DPP6: variants seen among roughly 807,000 people sequenced by gnomAD.
DPP6 encodes A-type potassium channel modulatory protein DPP6.
In DPP6, 69 loss-of-function variants were observed where a neutral mutation model predicts 122.6. That is an observed-to-expected ratio of 0.56 (90% CI 0.46 to 0.69). The LOEUF is 0.69. Among genes scored for constraint, DPP6 ranks in the 30% least tolerant of loss-of-function variants. The pLI is 0.00. For synonymous variants in DPP6, 418 were observed against 433.1 expected, an observed-to-expected ratio of 0.97 and a Z score of 0.43; for missense variants, 928 against 1,116.9, an observed-to-expected ratio of 0.83 and a Z score of 2.41.
chr7:153,968,907 G>C (rs1018030310), intron 1 of DPP6: 4 of 152,074 alleles, frequency 2.6e-5, no homozygotes, highest in Non-Finnish European at 5.9e-5. Context: ...TGTTTTCAAG[G>C]TTCATTCATG....
chr7:154,608,578 C>A (rs930355777), intron 5 of DPP6, among the ~76,000 whole-genome samples: 3 of 149,914 alleles, frequency 2.0e-5, no homozygotes, highest in Non-Finnish European at 4.4e-5. Context: ...CTCAAGTGAT[C>A]CGCCTGCCTT....
At chr7:154,058,461 T>G (rs1801120118) in intron 1 of DPP6, 1 of 131,690 alleles carries the variant, frequency 7.6e-6, no homozygotes, top group African/African-American at 3.0e-5. Flanking sequence ...ACCTGGCTGT[T>G]GGTACCCCCA....
At chr7:154,058,612 C>A (rs561995417) in intron 1 of DPP6, 1 of 151,000 alleles carries the variant, frequency 6.6e-6, no homozygotes, top group East Asian at 2.0e-4. Context: ...CCCTCTTCCC[C>A]CCCCAGCTTA....
intron 8 of DPP6, among the ~76,000 whole-genome samples, chr7:154,734,132 C>T (rs1228297379): frequency 6.6e-6 from 1 of 152,210 alleles, no homozygotes; most frequent in African/African-American, 2.4e-5. Context: ...ATGCTGGAAC[C>T]ATTAGACATT....
intron 5 of DPP6, chr7:154,588,399 T>C (rs1381153497): frequency 6.0e-6 from 2 of 333,686 alleles, no homozygotes; most frequent in Non-Finnish European, 1.1e-5. Flanking sequence ...GAATATCATA[T>C]ACACTTGAGG....
rs1026181504 is a variant in DPP6, at chr7:154,566,728, C to T, written c.553-114C>T. On this transcript the variant is annotated intron_variant, in intron 4 of 25. Transcript: ENST00000377770. ...TTCAGCTAACAAAGAAAGGATATAG[C>T]CATTTTAATAGCTAATTAATTTTGA... The T allele has an allele frequency of 9.5e-5, 60 of 629,988 alleles. No individual in the cohort carries two copies. In the East Asian group the frequency reaches 1.7e-3, roughly 18 times the overall value. The allele number at this position is 629,988 out of a possible 1,614,324, so 39.0% of individuals were successfully genotyped here.
At chr7:154,812,324 CTT>C (rs1294595289) in intron 16 of DPP6, among the ~76,000 whole-genome samples, 8 of 152,270 alleles carry the variant, frequency 5.3e-5, no homozygotes, top group African/African-American at 1.9e-4. Context: ...TATCCTGTAA[CTT>C]ATATTCAGTA....
chr7:154,440,242 A>G (rs891027874), intron 1 of DPP6, among the ~76,000 whole-genome samples: 15 of 152,198 alleles, frequency 9.9e-5, no homozygotes, highest in Non-Finnish European at 1.9e-4. Flanking sequence ...TCTTTCTGAA[A>G]GGGCTGCTCA....
chr7:153,818,030 C>T, the DPP6 span, among the ~76,000 whole-genome samples: 3 of 151,792 alleles, frequency 2.0e-5, no homozygotes, highest in Admixed American at 2.0e-4. Context: ...AAAGTTTGTC[C>T]ATCCAGAATA....
intron 1 of DPP6, among the ~76,000 whole-genome samples, chr7:154,206,513 A>T (rs1171772139): frequency 1.3e-5 from 2 of 152,208 alleles, no homozygotes; most frequent in Non-Finnish European, 2.9e-5. Flanking sequence ...CACGTACCTG[A>T]GAAACTCTCC....
chr7:154,706,085 G>C (rs1008064458), intron 7 of DPP6, among the ~76,000 whole-genome samples: 1 of 152,198 alleles, frequency 6.6e-6, no homozygotes, highest in African/African-American at 2.4e-5. Flanking sequence ...CTGGAACCAT[G>C]ATGACAACCA....
At chr7:154,737,489 G>A (rs926439522) in intron 8 of DPP6, among the ~76,000 whole-genome samples, 3 of 152,134 alleles carry the variant, frequency 2.0e-5, no homozygotes, top group African/African-American at 7.2e-5. Context: ...TGGTCACACT[G>A]TTATTTTTTT....
intron 7 of DPP6, among the ~76,000 whole-genome samples, chr7:154,690,628 C>A (rs12719583): frequency 0.053 from 8,121 of 152,180 alleles, 296 homozygotes; most frequent in African/African-American, 0.1. Context: ...AACCACCCCC[C>A]ACCCCGCATC....
At chr7:154,202,016 AC>A (rs1799200518) in intron 1 of DPP6, among the ~76,000 whole-genome samples, 1 of 152,176 alleles carries the variant, frequency 6.6e-6, no homozygotes, top group Non-Finnish European at 1.5e-5. Context: ...GACCTTTTTC[AC>A]CCACTACAGT....
intron 16 of DPP6, among the ~76,000 whole-genome samples, chr7:154,830,044 C>T (rs1800512851): frequency 6.6e-6 from 1 of 152,220 alleles, no homozygotes; most frequent in Admixed American, 6.5e-5. Context: ...CCGTCAAAAT[C>T]CTCACCTTCC....
At chr7:154,505,990 T>C (rs1454246158) in intron 3 of DPP6, among the ~76,000 whole-genome samples, 2 of 152,068 alleles carry the variant, frequency 1.3e-5, no homozygotes, top group Non-Finnish European at 2.9e-5. Flanking sequence ...TTATTTATAT[T>C]TATTTATCTA....
intron 1 of DPP6, among the ~76,000 whole-genome samples, chr7:154,322,082 G>A (rs1158723019): frequency 1.4e-5 from 1 of 71,770 alleles, no homozygotes; most frequent in Non-Finnish European, 2.6e-5. Context: ...TTCTCTAGAA[G>A]AGCAGACCCT....
intron 1 of DPP6, among the ~76,000 whole-genome samples, chr7:154,311,974 T>A (rs116725629): frequency 0.024 from 3,644 of 152,306 alleles, 117 homozygotes; most frequent in African/African-American, 0.076. Flanking sequence ...TAAAACCCAA[T>A]GCAATTATTA....
chr7:154,227,314 C>G (rs1585680075), intron 1 of DPP6, among the ~76,000 whole-genome samples: 1 of 150,444 alleles, frequency 6.6e-6, no homozygotes. Context: ...GGACATTATA[C>G]TAAGTGAAAT....
Sources: allele counts gnomAD v4.1 joint callset (sites outside exome capture counted in the v4.1 genomes callset), GRCh38; gene constraint gnomAD v4.1.1; transcripts MANE v1.5; gene names NCBI Gene and HGNC (gene_info 2026-07-23, HGNC 2026-07-21).